EGFLAM: variants seen among roughly 807,000 people sequenced by gnomAD.
EGFLAM encodes the protein EGF like, fibronectin type III and laminin G domains.
Under a neutral mutation model 113.1 loss-of-function variants are expected in EGFLAM, and 79 were observed. The observed-to-expected ratio is 0.70, with a 90% CI of 0.58 to 0.84. The LOEUF (loss-of-function observed/expected upper bound fraction) is 0.84. Ranked by LOEUF, EGFLAM falls within the 40% of genes least tolerant of loss-of-function variation. The pLI, the probability that EGFLAM is intolerant of heterozygous loss-of-function variation, is 0.00. For synonymous variants in EGFLAM, 504 were observed against 487.6 expected (o/e 1.03, Z -0.44); for missense variants, 1,265 against 1,291.6 (o/e 0.98, Z 0.32).
chr5:38,382,478 C>T (rs1450515625), intron 6 of EGFLAM, among the ~76,000 whole-genome samples: 1 of 152,170 alleles, frequency 6.6e-6, no homozygotes, highest in Non-Finnish European at 1.5e-5. Context: ...CCAAGTTCAT[C>T]TTCCCTTCTG....
At chr5:38,328,259 A>G (rs2111915328) in intron 1 of EGFLAM, among the ~76,000 whole-genome samples, 1 of 152,266 alleles carries the variant, frequency 6.6e-6, no homozygotes, top group South Asian at 2.1e-4. Context: ...AAAGAACCAG[A>G]TCTTACGAGA....
Position 38,462,964 on chromosome 5 carries a change from C to T in EGFLAM, c.2828C>T (p.Ser943Phe), listed in dbSNP as rs1743340070. 3 of 1,613,938 alleles carry T rather than the reference C, an allele frequency of 1.9e-6. No individual in the cohort carries two copies. In the South Asian group the frequency reaches 3.3e-5, roughly 18 times the overall value. Residue 943 changes from serine (S) to phenylalanine (F), a missense_variant, in exon 21 of 22, where the codon TCC becomes TTC. Ser to Phe is a radical substitution (Grantham distance 155). Coordinates refer to ENST00000322350, the MANE Select transcript of EGFLAM (RefSeq NM_152403.4). The part of the protein sequence containing the change: ...VDDYGARTGK[S>F]PGMMRQLNIN... ...GACTATGGAGCCAGAACAGGCAAAT[C>T]CCCAGGCATGATGCGGCAGCTTAAC...
intron 1 of EGFLAM, among the ~76,000 whole-genome samples, chr5:38,330,365 C>T (rs1739010115): frequency 6.6e-6 from 1 of 152,134 alleles, no homozygotes; most frequent in African/African-American, 2.4e-5. Context: ...TTCCAGGACC[C>T]ATCGCCAGTC....
intron 1 of EGFLAM, among the ~76,000 whole-genome samples, chr5:38,282,863 G>A (rs1217267251): frequency 6.6e-6 from 1 of 151,930 alleles, no homozygotes; most frequent in African/African-American, 2.4e-5. Context: ...GTTTTTTTCT[G>A]AGACAAGGTC....
intron 5 of EGFLAM, among the ~76,000 whole-genome samples, chr5:38,360,431 C>T (rs1328627978): frequency 2.6e-5 from 4 of 152,174 alleles, no homozygotes. Context: ...CAAATTAAGG[C>T]ATGCTGGATA....
chr5:38,348,439 T>C (rs2111976437), intron 3 of EGFLAM, among the ~76,000 whole-genome samples: 1 of 152,154 alleles, frequency 6.6e-6, no homozygotes, highest in Non-Finnish European at 1.5e-5. Flanking sequence ...AAGTAGAAGG[T>C]GACCATGGAA....
intron 1 of EGFLAM, among the ~76,000 whole-genome samples, chr5:38,278,800 A>G (rs1757949595): frequency 1.3e-5 from 2 of 150,170 alleles, no homozygotes; most frequent in South Asian, 4.2e-4. Flanking sequence ...CTGGTCAATG[A>G]TTTTTTTTTT....
rs567036495 is a variant in EGFLAM, at chr5:38,341,224, T to A, written c.291+2443T>A. 9.2e-5 allele frequency among the ~76,000 whole-genome samples: 14 copies of A among 152,316 alleles called. No individual in the cohort carries two copies. The South Asian group carries it at 1.0e-3, about 11-fold the overall frequency. ...CGTTCTCACGCTGCTAATAAAGGCA[T>A]ACTTGGCACTGGGTAATTTATAAAG... On this transcript the variant is annotated intron_variant, in intron 3 of 21. Coordinates refer to ENST00000322350, the MANE Select transcript of EGFLAM (RefSeq NM_152403.4).
At chr5:38,304,299 T>C (rs766525127) in intron 1 of EGFLAM, among the ~76,000 whole-genome samples, 1 of 152,140 alleles carries the variant, frequency 6.6e-6, no homozygotes, top group Non-Finnish European at 1.5e-5. Flanking sequence ...GAAAGTATGA[T>C]TGAGAAGTGT....
intron 3 of EGFLAM, among the ~76,000 whole-genome samples, chr5:38,350,184 A>G (rs941626187): frequency 1.2e-4 from 19 of 152,290 alleles, no homozygotes; most frequent in Non-Finnish European, 1.9e-4. Flanking sequence ...AGAAAGAATC[A>G]TTACCTGCCT....
At chr5:38,293,653 G>A (rs2111801857) in intron 1 of EGFLAM, among the ~76,000 whole-genome samples, 1 of 152,144 alleles carries the variant, frequency 6.6e-6, no homozygotes, top group South Asian at 2.1e-4. Context: ...GTTTTATAGG[G>A]TTATATATAG....
chr5:38,357,991 T>C (rs1298527580), intron 5 of EGFLAM, among the ~76,000 whole-genome samples: 3 of 144,798 alleles, frequency 2.1e-5, no homozygotes, highest in Admixed American at 7.0e-5. Context: ...TTTTTTTTAA[T>C]ATTTAGCTAA....
intron 6 of EGFLAM, 78 bp from the exon 7 acceptor site, chr5:38,406,048 C>T: frequency 1.8e-6 from 2 of 1,106,560 alleles, no homozygotes; most frequent in East Asian, 2.3e-5. Context: ...TACAGCTCTG[C>T]CTGTGGCTGA....
intron 11 of EGFLAM, among the ~76,000 whole-genome samples, chr5:38,413,480 G>C (rs1273605050): frequency 6.6e-6 from 1 of 151,692 alleles, no homozygotes; most frequent in Non-Finnish European, 1.5e-5. Flanking sequence ...GTAATTGTAG[G>C]AAATGGTTAA....
At chr5:38,452,811 C>T (rs950321221) in intron 19 of EGFLAM, among the ~76,000 whole-genome samples, 8 of 152,220 alleles carry the variant, frequency 5.3e-5, no homozygotes, top group African/African-American at 1.9e-4. Context: ...AGAAGTTCTT[C>T]CCTCTTTTAA....
Position 38,285,055 on chromosome 5 carries a change from T to C in EGFLAM, c.97+26204T>C, listed in dbSNP as rs140873249. On this transcript the variant is annotated intron_variant, in intron 1 of 21. Coordinates refer to ENST00000322350, the MANE Select transcript of EGFLAM (RefSeq NM_152403.4). The stretch of plus-strand genomic sequence containing the variant: ...GTAGAAACTCTCTTGTCGAGTCCAA[T>C]TTGGATTTGTTAGTTGATTGTAGAA... 1.6e-4 allele frequency among the ~76,000 whole-genome samples: 24 copies of C among 152,270 alleles called. No homozygotes were observed. In the East Asian group the frequency reaches 2.7e-3, roughly 17 times the overall value.
chr5:38,374,318 A>G (rs7722192), intron 6 of EGFLAM, among the ~76,000 whole-genome samples: 1,798 of 152,232 alleles, frequency 0.012, 37 homozygotes, highest in African/African-American at 0.042. Flanking sequence ...AGATTTTATT[A>G]CTGCTCAATC....
intron 3 of EGFLAM, among the ~76,000 whole-genome samples, chr5:38,339,115 A>G (rs2111951443): frequency 6.6e-6 from 1 of 152,216 alleles, no homozygotes; most frequent in East Asian, 1.9e-4. Flanking sequence ...ATCCCAATAA[A>G]AGCTTTATAA....
chr5:38,460,442 C>G (rs73077423), intron 20 of EGFLAM, among the ~76,000 whole-genome samples: 2,206 of 152,290 alleles, frequency 0.014, 49 homozygotes, highest in African/African-American at 0.05. Flanking sequence ...TTCCATCCTA[C>G]CCCATGATGA....
Sources: gnomAD v4.1 joint callset for allele counts (sites outside exome capture counted in the v4.1 genomes callset) on GRCh38, gnomAD v4.1.1 for gene constraint, MANE v1.5 for transcripts, NCBI Gene and HGNC (gene_info 2026-07-23, HGNC 2026-07-21) for gene names.